Variants in FUT8 observed in about 807,000 individuals in gnomAD.
FUT8 encodes fucosyltransferase 8.
FUT8 carries 29 observed loss-of-function variants against 71.3 expected under a neutral mutation model. That is an observed-to-expected ratio of 0.41 (90% CI 0.30 to 0.55). The LOEUF is 0.55. Ranked by LOEUF, FUT8 falls within the 20% of genes least tolerant of loss-of-function variation. FUT8 has a pLI of 0.34. For synonymous variants in FUT8, 254 were observed against 239.3 expected (o/e 1.06, Z -0.57); for missense variants, 544 against 702.1 (o/e 0.77, Z 2.55).
chr14:65,579,680 A>G (rs927597137), intron 3 of FUT8, among the ~76,000 whole-genome samples: 3 of 152,162 alleles, frequency 2.0e-5, no homozygotes, highest in Non-Finnish European at 2.9e-5. Context: ...TGCCATATGG[A>G]GTAGAAATAG....
chr14:65,409,759 G>A (rs1362578874), upstream of FUT8, among the ~76,000 whole-genome samples: 1 of 152,178 alleles, frequency 6.6e-6, no homozygotes, highest in African/African-American at 2.4e-5. This position sits in a 1 kb window ranked among gnomAD's most constrained non-coding sequence, Gnocchi z 5.4. Flanking sequence ...GAATTTGACC[G>A]AGGCTATATA....
the FUT8 span, among the ~76,000 whole-genome samples, chr14:65,374,598 T>G: frequency 2.0e-5 from 3 of 151,108 alleles, no homozygotes; most frequent in Non-Finnish European, 4.4e-5. Context: ...AGTTGTTTTT[T>G]TTGTTTTTTT....
chr14:65,716,177 C>T (rs1895049674), intron 7 of FUT8, among the ~76,000 whole-genome samples: 1 of 152,008 alleles, frequency 6.6e-6, no homozygotes, highest in South Asian at 2.1e-4. Flanking sequence ...TCTGATGTTC[C>T]TTTGTTGATT....
chr14:65,663,832 G>A (rs1208378363), intron 6 of FUT8, among the ~76,000 whole-genome samples: 1 of 152,060 alleles, frequency 6.6e-6, no homozygotes, highest in Non-Finnish European at 1.5e-5. Context: ...TTAGGTTCTA[G>A]TCAAACTCTG....
At chr14:65,670,370 G>A (rs559574524) in intron 7 of FUT8, among the ~76,000 whole-genome samples, 38 of 152,182 alleles carry the variant, frequency 2.5e-4, no homozygotes, top group Non-Finnish European at 4.6e-4. Context: ...ATTGTTGGTA[G>A]ATTAAATGAA....
At chr14:65,478,138 C>T (rs578089212) in intron 2 of FUT8, among the ~76,000 whole-genome samples, 23 of 152,186 alleles carry the variant, frequency 1.5e-4, no homozygotes, top group African/African-American at 5.5e-4. Context: ...AGCGTTCCCC[C>T]CTCTACCCCA....
chr14:65,541,454 G>A (rs979842196), intron 2 of FUT8, among the ~76,000 whole-genome samples: 4 of 152,206 alleles, frequency 2.6e-5, no homozygotes, highest in African/African-American at 9.6e-5. Context: ...GAAGGCCTTC[G>A]GAGGGGATTG....
At chr14:65,718,931 C>T (rs1283838940) in intron 7 of FUT8, among the ~76,000 whole-genome samples, 4 of 152,054 alleles carry the variant, frequency 2.6e-5, no homozygotes, top group South Asian at 2.1e-4. Flanking sequence ...TATTAAATGC[C>T]TTGAATGGTA....
intron 6 of FUT8, among the ~76,000 whole-genome samples, chr14:65,634,175 A>C (rs1433583902): frequency 1.3e-5 from 2 of 152,034 alleles, no homozygotes; most frequent in Non-Finnish European, 2.9e-5. Context: ...GTGTCTGTGT[A>C]GAAAGAAGTA....
At chr14:65,480,147 G>C (rs978563796) in intron 2 of FUT8, among the ~76,000 whole-genome samples, 15 of 151,950 alleles carry the variant, frequency 9.9e-5, no homozygotes, top group African/African-American at 3.4e-4. Context: ...TGTGTCCCTA[G>C]TGCCTCATAG....
At chr14:65,409,565 A>G (rs2065102231), upstream of FUT8, among the ~76,000 whole-genome samples, 1 of 152,240 alleles carries the variant, frequency 6.6e-6, no homozygotes, top group South Asian at 2.1e-4. This position sits in a 1 kb window ranked among gnomAD's most constrained non-coding sequence, Gnocchi z 5.4. Flanking sequence ...TTTCTACATG[A>G]ATGTTCACAA....
intron 6 of FUT8, among the ~76,000 whole-genome samples, chr14:65,653,687 G>A (rs1891525243): frequency 6.6e-6 from 1 of 152,196 alleles, no homozygotes; most frequent in Non-Finnish European, 1.5e-5. Context: ...AAACATGGAA[G>A]CCAAGAGAAG....
chr14:65,565,172 C>G (rs904532858), intron 3 of FUT8, among the ~76,000 whole-genome samples: 5 of 151,888 alleles, frequency 3.3e-5, no homozygotes, highest in African/African-American at 1.2e-4. Context: ...TTTTAAACAA[C>G]CTGCTCTTTT....
At chr14:65,359,425 A>T in the FUT8 span, among the ~76,000 whole-genome samples, 1 of 152,222 alleles carries the variant, frequency 6.6e-6, no homozygotes. Flanking sequence ...TTGTGCAACC[A>T]TCACCACCAT....
intron 1 of FUT8, among the ~76,000 whole-genome samples, chr14:65,429,233 T>C (rs1566741308): frequency 6.6e-6 from 1 of 152,198 alleles, no homozygotes; most frequent in Non-Finnish European, 1.5e-5. Flanking sequence ...ATTTGACTTT[T>C]AGAAACCTTC....
rs186709293 is a variant in FUT8 at position 65,621,911 on chromosome 14, G to A, written c.482+5538G>A. ...ACGATCTTGGCTCACTGCAACCTCC[G>A]CCTCCCAGGTTCAAGCAATTCTCGT... is the stretch of plus-strand genomic sequence containing the variant. On this transcript the variant is annotated intron_variant, in intron 5 of 10. Coordinates refer to ENST00000673929, the MANE Select transcript of FUT8 (RefSeq NM_001371533.1). 7.2e-5 allele frequency among the ~76,000 whole-genome samples: 11 copies of A among 152,160 alleles called. No homozygotes were observed. In the East Asian group the frequency reaches 1.5e-3, roughly 21 times the overall value.
At chr14:65,387,578 AGTT>A in the FUT8 span, among the ~76,000 whole-genome samples, 1 of 152,198 alleles carries the variant, frequency 6.6e-6, no homozygotes, top group South Asian at 2.1e-4. Flanking sequence ...AGTTATCAAC[AGTT>A]GTTGAGTGCC....
At position 65,433,786 on chromosome 14, in the gene FUT8, T is replaced by TTCTCTCTCTC. The variant is rs71126744; in HGVS notation, c.-326+20595_-326+20604dup. Among the ~76,000 whole-genome samples, 1,249 of 144,952 alleles carry TTCTCTCTCTC rather than the reference T, an allele frequency of 8.6e-3. 41 individuals carry two copies. The highest frequency in any genetic ancestry group is 0.072 in the East Asian group (345 of 4,806). ...TTTATTTCTACCTCTCTTCTGTCTCTTCTCTCTCTCTCTCTCTCTCTCTCT... is the reference window on the plus strand; with the variant it reads ...TTTATTTCTACCTCTCTTCTGTCTCTTCTCTCTCTCTCTCTCTCTCTCTCTCTCTCTCTCT... On this transcript the variant is annotated intron_variant, in intron 1 of 10. Transcript: ENST00000673929.
chr14:65,695,806 G>C (rs1893962126), intron 7 of FUT8, among the ~76,000 whole-genome samples: 1 of 151,706 alleles, frequency 6.6e-6, no homozygotes, highest in African/African-American at 2.4e-5. Context: ...CCCTATTTTT[G>C]TGTCCTTTTT....
Sources: allele counts gnomAD v4.1 joint callset (sites outside exome capture counted in the v4.1 genomes callset), GRCh38; gene constraint gnomAD v4.1.1; non-coding constraint Gnocchi (gnomAD v3.1); transcripts MANE v1.5; gene names NCBI Gene and HGNC (gene_info 2026-07-23, HGNC 2026-07-21).